The following PRKACB variants were observed in gnomAD, a reference collection of about 807,000 sequenced individuals.
PRKACB encodes protein kinase cAMP-activated catalytic subunit beta.
In PRKACB, 16 loss-of-function variants were observed where a neutral mutation model predicts 51.4. The observed-to-expected ratio is 0.31, with a 90% CI of 0.21 to 0.47. PRKACB has a LOEUF of 0.47. Among genes scored for constraint, PRKACB ranks in the 20% least tolerant of loss-of-function variants. The probability of loss-of-function intolerance (pLI) is 1.00; values close to 1 mark genes in which losing one functional copy is unlikely to be tolerated. For synonymous variants in PRKACB, 147 were observed against 154.4 expected (o/e 0.95, Z 0.35); for missense variants, 309 against 464.5 (o/e 0.67, Z 3.08).
chr1:84,193,684 C>A (rs1331904181), intron 5 of PRKACB, among the ~76,000 whole-genome samples: 4 of 152,254 alleles, frequency 2.6e-5, no homozygotes, highest in African/African-American at 9.6e-5. Context: ...CTTCAGGTTA[C>A]AGCAGGAAGC....
At chr1:84,138,093 CA>C (rs1653007232) in intron 1 of PRKACB, among the ~76,000 whole-genome samples, 1 of 152,148 alleles carries the variant, frequency 6.6e-6, no homozygotes, top group Non-Finnish European at 1.5e-5. Flanking sequence ...GACCATTCTC[CA>C]GTAAAAGGAA....
At chr1:84,081,291 G>A (rs1647512029) in intron 1 of PRKACB, among the ~76,000 whole-genome samples, 1 of 152,080 alleles carries the variant, frequency 6.6e-6, no homozygotes, top group South Asian at 2.1e-4. Flanking sequence ...CCCTCTATTA[G>A]AATTAACATT....
chr1:84,162,687 G>A (rs900541879), intron 1 of PRKACB, among the ~76,000 whole-genome samples: 20 of 151,364 alleles, frequency 1.3e-4, no homozygotes, highest in African/African-American at 2.4e-4. Context: ...CATTACTGTC[G>A]TGTTTTCCTT....
At chr1:84,089,576 G>T (rs1648291226) in intron 1 of PRKACB, among the ~76,000 whole-genome samples, 1 of 151,934 alleles carries the variant, frequency 6.6e-6, no homozygotes, top group Non-Finnish European at 1.5e-5. Context: ...AAATATTTTG[G>T]CATCTGGCCC....
intron 1 of PRKACB, among the ~76,000 whole-genome samples, chr1:84,147,373 T>C (rs2100616785): frequency 1.3e-5 from 2 of 152,182 alleles, no homozygotes; most frequent in South Asian, 4.1e-4. Flanking sequence ...TCCTATTTGT[T>C]AGCCCATTGA....
chr1:84,187,720 C>G (rs1429623362), intron 5 of PRKACB, among the ~76,000 whole-genome samples: 2 of 152,086 alleles, frequency 1.3e-5, no homozygotes, highest in Non-Finnish European at 2.9e-5. Context: ...GACTTACAGT[C>G]TAATAACAGG....
intron 1 of PRKACB, among the ~76,000 whole-genome samples, chr1:84,083,748 G>A (rs565486069): frequency 1.3e-5 from 2 of 152,164 alleles, no homozygotes; most frequent in African/African-American, 2.4e-5. Flanking sequence ...ATAACATTGT[G>A]TTAAATAGAA....
chr1:84,238,046 A>T lies in PRKACB; in HGVS notation c.*2741A>T, dbSNP rs1169362098. The T allele has an allele frequency of 6.6e-6, 1 of 152,152 alleles. No individual in the cohort carries two copies. The highest frequency in any genetic ancestry group is 1.5e-5 in the Non-Finnish European group (1 of 68,000). 9.4% of individuals were successfully genotyped at this position (152,152 alleles called of 1,614,324 possible). Reference sequence around the variant, plus strand: ...GGGCATCTTTCTTCTTATCTCTGACAGTGTTCTTAAAATTATTTGAATATC... The same window carrying T: ...GGGCATCTTTCTTCTTATCTCTGACTGTGTTCTTAAAATTATTTGAATATC... On this transcript the variant is annotated 3_prime_UTR_variant, in exon 10 of 10. Coordinates refer to ENST00000370685, the MANE Select transcript of PRKACB (RefSeq NM_182948.4).
Position 84,164,706 on chromosome 1 carries a change from T to A in PRKACB, c.188-14471T>A, listed in dbSNP as rs566108555. Reference sequence around the variant, plus strand: ...ACATTTTCTCCCTGCCATTTTGAGTTGTTCTAGTGGTATATGAAGGAGGCT... The same window carrying A: ...ACATTTTCTCCCTGCCATTTTGAGTAGTTCTAGTGGTATATGAAGGAGGCT... On this transcript the variant is annotated intron_variant, in intron 1 of 9. Transcript: ENST00000370685. 24 of 1,395,750 alleles carry A rather than the reference T, an allele frequency of 1.7e-5. No individual in the cohort carries two copies. In the South Asian group the frequency reaches 4.0e-4, roughly 23 times the overall value. 86.5% of individuals were successfully genotyped at this position (1,395,750 alleles called of 1,614,324 possible). A position where few individuals can be genotyped will look rare whatever the true frequency, so the allele number is the denominator to read the frequency against.
rs1017168404 is a variant in PRKACB, at chr1:84,095,246, T to TG, written c.46+16876dup. On this transcript the variant is annotated intron_variant, in intron 1 of 8. Transcript: ENST00000370688. ...ATATTTATATTTATCCCATATTTGC[T>TG]GTTTTTTTTTTTTTTGCGCTTATTC... Among the ~76,000 whole-genome samples, 26 of 114,608 alleles carry TG rather than the reference T, an allele frequency of 2.3e-4. No homozygotes were observed. In the South Asian group the frequency reaches 2.3e-3, roughly 10 times the overall value. 75.2% of individuals were successfully genotyped at this position (114,608 alleles called of 152,430 possible).
Position 84,236,144 on chromosome 1 carries a change from C to G in PRKACB, c.*839C>G, listed in dbSNP as rs1386099250. ...CTAAGTTTTCTAAACCTTAACTGTT[C>G]CTTAAGGATTTTAGCCAGTATTTTA... On this transcript the variant is annotated 3_prime_UTR_variant, in exon 10 of 10. Transcript: ENST00000370685. 6.6e-6 allele frequency: 1 copy of G among 152,472 alleles called. No individual in the cohort carries two copies. The highest frequency in any genetic ancestry group is 2.4e-5 in the African/African-American group (1 of 41,388). The allele number at this position is 152,472 out of a possible 1,614,324, so 9.4% of individuals were successfully genotyped here.
At chr1:84,133,987 G>A (rs547677151) in intron 1 of PRKACB, among the ~76,000 whole-genome samples, 9 of 152,326 alleles carry the variant, frequency 5.9e-5, no homozygotes, top group Non-Finnish European at 1.2e-4. Flanking sequence ...GACAGTAAGT[G>A]TGGGGGATTT....
chr1:84,234,786 G>A (rs907331836), intron 9 of PRKACB, among the ~76,000 whole-genome samples: 19 of 152,298 alleles, frequency 1.2e-4, no homozygotes, highest in South Asian at 8.3e-4. Context: ...CACACGGTGC[G>A]TGCACCCACT....
At chr1:84,178,208 T>A (rs1269087297) in intron 1 of PRKACB, among the ~76,000 whole-genome samples, 1 of 151,932 alleles carries the variant, frequency 6.6e-6, no homozygotes, top group African/African-American at 2.4e-5. Flanking sequence ...TCAATACTAC[T>A]GTATCATTGA....
rs560897795 is a variant in PRKACB at position 84,234,435 on chromosome 1, G to T, written c.1072-745G>T. 1.4e-3 allele frequency among the ~76,000 whole-genome samples: 215 copies of T among 151,986 alleles called. 1 individual carries two copies. The highest frequency in any genetic ancestry group is 4.8e-3 in the African/African-American group (197 of 41,466). Reference sequence around the variant, plus strand: ...GGCAGGCCTCCTTGAGCTGTGGTGGGCTCCACCCAGTTCGAGCTTCCCAGC... The same window carrying T: ...GGCAGGCCTCCTTGAGCTGTGGTGGTCTCCACCCAGTTCGAGCTTCCCAGC... On this transcript the variant is annotated intron_variant, in intron 9 of 9. Transcript: ENST00000370685.
At chr1:84,180,480 A>T (rs2100973312) in intron 2 of PRKACB, among the ~76,000 whole-genome samples, 1 of 151,768 alleles carries the variant, frequency 6.6e-6, no homozygotes, top group African/African-American at 2.4e-5. Context: ...TATACTGCTC[A>T]AGTAATGGAT....
intron 7 of PRKACB, among the ~76,000 whole-genome samples, chr1:84,199,441 T>C: frequency 6.6e-6 from 1 of 152,194 alleles, no homozygotes; most frequent in Non-Finnish European, 1.5e-5. Context: ...CTGAGGATGA[T>C]AGCCTCCAGC....
At chr1:84,092,138 A>G (rs2100775463) in intron 1 of PRKACB, among the ~76,000 whole-genome samples, 1 of 152,352 alleles carries the variant, frequency 6.6e-6, no homozygotes, top group Non-Finnish European at 1.5e-5. Context: ...ATCCTAATTT[A>G]TAGGCTAATG....
chr1:84,176,613 T>A (rs1387072420), intron 1 of PRKACB, among the ~76,000 whole-genome samples: 4 of 149,926 alleles, frequency 2.7e-5, no homozygotes, highest in African/African-American at 7.3e-5. Context: ...TGAAAAAAAA[T>A]GTTTCAGGAA....
Sources: gnomAD v4.1 joint callset for allele counts (sites outside exome capture counted in the v4.1 genomes callset) on GRCh38, gnomAD v4.1.1 for gene constraint, MANE v1.5 for transcripts, NCBI Gene and HGNC (gene_info 2026-07-23, HGNC 2026-07-21) for gene names.